Variants in ENTREP2 observed in about 807,000 individuals in gnomAD.
ENTREP2 encodes endosomal transmembrane epsin interactor 2, also known as protein ENTREP2.
the ENTREP2 span, among the ~76,000 whole-genome samples, chr15:29,470,426 A>T: frequency 2.6e-5 from 4 of 152,006 alleles, no homozygotes; most frequent in African/African-American, 7.2e-5. Context: ...TCCCTTGCAA[A>T]CTTCATTCAC....
the ENTREP2 span, among the ~76,000 whole-genome samples, chr15:29,608,830 G>A: frequency 8.3e-4 from 126 of 151,420 alleles, no homozygotes; most frequent in African/African-American, 3.0e-3. Context: ...GCCTCCTAAA[G>A]TGCTGGGATT....
the ENTREP2 span, among the ~76,000 whole-genome samples, chr15:29,168,434 C>CGT: frequency 1.3e-5 from 2 of 152,124 alleles, no homozygotes; most frequent in Non-Finnish European, 2.9e-5. Flanking sequence ...GCACAATCAG[C>CGT]GTGTGTGTGT....
At chr15:29,255,980 GAC>G in the ENTREP2 span, among the ~76,000 whole-genome samples, 27 of 138,746 alleles carry the variant, frequency 1.9e-4, no homozygotes, top group African/African-American at 5.8e-4. Context: ...CAGCCTGAGC[GAC>G]AGAGCGAGAG....
the ENTREP2 span, among the ~76,000 whole-genome samples, chr15:29,388,872 C>G: frequency 6.7e-6 from 1 of 149,028 alleles, no homozygotes; most frequent in African/African-American, 2.5e-5. Flanking sequence ...GGACAAAAAA[C>G]CAAACACTGC....
the ENTREP2 span, among the ~76,000 whole-genome samples, chr15:29,220,201 TC>T: frequency 2.0e-5 from 3 of 152,164 alleles, no homozygotes; most frequent in African/African-American, 7.2e-5. Flanking sequence ...GTGGGCTGGC[TC>T]CAGTGCCCAG....
chr15:29,308,499 C>T, the ENTREP2 span, among the ~76,000 whole-genome samples: 3 of 152,216 alleles, frequency 2.0e-5, no homozygotes, highest in African/African-American at 7.2e-5. Flanking sequence ...TCCTGGGCGC[C>T]GAGTGGACCT....
At chr15:29,439,305 AC>A in the ENTREP2 span, among the ~76,000 whole-genome samples, 1 of 148,604 alleles carries the variant, frequency 6.7e-6, no homozygotes, top group Non-Finnish European at 1.5e-5. Flanking sequence ...ACACACACAC[AC>A]ACACACACAC....
At chr15:29,237,865 G>A in the ENTREP2 span, among the ~76,000 whole-genome samples, 1 of 152,150 alleles carries the variant, frequency 6.6e-6, no homozygotes, top group Non-Finnish European at 1.5e-5. Flanking sequence ...ATACCCAAGA[G>A]AAATGAAAAT....
the ENTREP2 span, among the ~76,000 whole-genome samples, chr15:29,496,272 T>C: frequency 6.6e-6 from 1 of 152,034 alleles, no homozygotes; most frequent in Non-Finnish European, 1.5e-5. Context: ...TAAATTCATT[T>C]ATAGTTCTAA....
the ENTREP2 span, among the ~76,000 whole-genome samples, chr15:29,278,295 G>A: frequency 0.041 from 6,257 of 152,332 alleles, 366 homozygotes; most frequent in African/African-American, 0.12. Context: ...ATGCGGAGAA[G>A]AGGGCTTGCC....
chr15:29,403,151 C>A, the ENTREP2 span, among the ~76,000 whole-genome samples: 7 of 152,098 alleles, frequency 4.6e-5, 1 homozygote, highest in East Asian at 3.9e-4. Flanking sequence ...GCCTGATCTG[C>A]ACAGAAAGTG....
the ENTREP2 span, among the ~76,000 whole-genome samples, chr15:29,138,314 C>A: frequency 2.0e-5 from 3 of 152,126 alleles, no homozygotes; most frequent in African/African-American, 7.2e-5. Flanking sequence ...AAGGACTAAC[C>A]AACAACCAAC....
At chr15:29,584,166 T>C in the ENTREP2 span, among the ~76,000 whole-genome samples, 14 of 144,832 alleles carry the variant, frequency 9.7e-5, no homozygotes, top group African/African-American at 3.2e-4. Flanking sequence ...AATAAATGTA[T>C]ATATTTATCC....
chr15:29,335,029 G>C, the ENTREP2 span, among the ~76,000 whole-genome samples: 1 of 152,164 alleles, frequency 6.6e-6, no homozygotes, highest in Non-Finnish European at 1.5e-5. Context: ...TGGGAACCAA[G>C]ATCCCAAACG....
At chr15:29,673,210 G>A in the ENTREP2 span, among the ~76,000 whole-genome samples, 1 of 152,112 alleles carries the variant, frequency 6.6e-6, no homozygotes, top group Non-Finnish European at 1.5e-5. Flanking sequence ...ATTAAAAGAC[G>A]TCGCCATCTT....
the ENTREP2 span, among the ~76,000 whole-genome samples, chr15:29,296,386 G>A: frequency 2.6e-5 from 4 of 151,962 alleles, no homozygotes; most frequent in Non-Finnish European, 5.9e-5. Flanking sequence ...TCTACAGAAG[G>A]GCAAATGTAA....
At chr15:29,170,307 C>CAA in the ENTREP2 span, among the ~76,000 whole-genome samples, 143 of 57,222 alleles carry the variant, frequency 2.5e-3, no homozygotes, top group African/African-American at 5.5e-3. Flanking sequence ...GACTCCATCT[C>CAA]AAAAAAAAAA....
chr15:29,475,635 T>C, the ENTREP2 span, among the ~76,000 whole-genome samples: 2 of 152,040 alleles, frequency 1.3e-5, no homozygotes. Flanking sequence ...GACACATCCC[T>C]GGATGTCCAA....
At chr15:29,205,292 A>AT in the ENTREP2 span, among the ~76,000 whole-genome samples, 53 of 152,330 alleles carry the variant, frequency 3.5e-4, 1 homozygote, top group South Asian at 0.011. Context: ...GGGTGTGCAC[A>AT]TATCTATTTG....
Sources: gnomAD v4.1 joint callset for allele counts (sites outside exome capture counted in the v4.1 genomes callset) on GRCh38, gnomAD v4.1.1 for gene constraint, MANE v1.5 for transcripts, NCBI Gene and HGNC (gene_info 2026-07-23, HGNC 2026-07-21) for gene names.